Variants in CCNI observed in about 807,000 individuals in gnomAD.
CCNI encodes the protein cyclin I, also known as cyclin-I.
A neutral mutation model predicts 34.1 loss-of-function variants in CCNI; 14 were observed. That is an observed-to-expected ratio of 0.41 (90% CI 0.27 to 0.64). The LOEUF (loss-of-function observed/expected upper bound fraction) is 0.64, where lower values mean the gene tolerates loss of function less well. Among genes scored for constraint, CCNI ranks in the 30% least tolerant of loss-of-function variants. The pLI is 0.31. For synonymous variants in CCNI, 154 were observed against 158.4 expected, an observed-to-expected ratio of 0.97 and a Z score of 0.21; for missense variants, 385 against 440.5, an observed-to-expected ratio of 0.87 and a Z score of 1.13.
intron 2 of CCNI, among the ~76,000 whole-genome samples, chr4:77,059,313 A>G (rs1190410352): frequency 2.0e-5 from 3 of 151,852 alleles, no homozygotes; most frequent in African/African-American, 4.8e-5. Context: ...GTGATTAGAA[A>G]ACTTTTACTC....
At chr4:77,069,530 G>C (rs1443706686) in intron 1 of CCNI, among the ~76,000 whole-genome samples, 1 of 151,548 alleles carries the variant, frequency 6.6e-6, no homozygotes, top group Non-Finnish European at 1.5e-5. Context: ...ATGTTGGTGT[G>C]CTGCACCCAT....
intron 6 of CCNI, among the ~76,000 whole-genome samples, chr4:77,051,213 G>A (rs190753155): frequency 3.3e-5 from 5 of 152,218 alleles, no homozygotes; most frequent in African/African-American, 7.2e-5. Context: ...GAATCCAGAT[G>A]CCAAACCCAT....
At chr4:77,055,090 T>C in intron 6 of CCNI, 60 bp downstream of exon 6, 2 of 1,083,112 alleles carry the variant, frequency 1.8e-6, no homozygotes, top group South Asian at 2.7e-5. Flanking sequence ...TTGGTAACTC[T>C]ATGTATTCCA....
At chr4:77,054,892 T>C (rs1728098542) in intron 6 of CCNI, among the ~76,000 whole-genome samples, 1 of 152,166 alleles carries the variant, frequency 6.6e-6, no homozygotes, top group African/African-American at 2.4e-5. Flanking sequence ...CAATATGGTA[T>C]TGACAATCTT....
chr4:77,068,828 C>T (rs563725236), intron 1 of CCNI, among the ~76,000 whole-genome samples: 8 of 152,180 alleles, frequency 5.3e-5, no homozygotes, highest in Non-Finnish European at 1.2e-4. Context: ...CTACTATCCT[C>T]CTTCCTATGT....
intron 6 of CCNI, among the ~76,000 whole-genome samples, chr4:77,050,370 G>C (rs1349706764): frequency 2.0e-5 from 3 of 151,968 alleles, no homozygotes; most frequent in Non-Finnish European, 4.4e-5. Flanking sequence ...AGAGAAAATA[G>C]GGGAAAATAA....
At chr4:77,052,248 G>A (rs1358586285) in intron 6 of CCNI, among the ~76,000 whole-genome samples, 1 of 152,046 alleles carries the variant, frequency 6.6e-6, no homozygotes, top group Non-Finnish European at 1.5e-5. Flanking sequence ...ATTCACTCAG[G>A]ATAATGGCCT....
Position 77,075,457 on chromosome 4 carries a change from G to GGCCCC in CCNI, c.-44+14_-44+15insGGGGC. The GGCCCC allele has an allele frequency of 2.4e-6, 1 of 419,804 alleles. No homozygotes were observed. The highest frequency in any genetic ancestry group is 3.2e-6 in the Non-Finnish European group (1 of 314,184). The allele number at this position is 419,804 out of a possible 1,614,324, so 26.0% of individuals were successfully genotyped here. A position where few individuals can be genotyped will look rare whatever the true frequency, so the allele number is the denominator to read the frequency against. On this transcript the variant is annotated intron_variant, in intron 1 of 6. Coordinates refer to ENST00000237654, the MANE Select transcript of CCNI (RefSeq NM_006835.3). ...GGAGACGCGTCGAGCCCCCGCCCCC[G>GGCCCC]CCCCCGCCCCTCACCTTCTCCTCCT...
intron 6 of CCNI, among the ~76,000 whole-genome samples, chr4:77,053,098 G>GA (rs1414270807): frequency 1.8e-4 from 28 of 152,154 alleles, no homozygotes; most frequent in African/African-American, 6.8e-4. Context: ...CTATGGAAGG[G>GA]AAAACGCTAT....
intron 2 of CCNI, among the ~76,000 whole-genome samples, chr4:77,064,292 T>G (rs183213765): frequency 1.6e-4 from 25 of 151,862 alleles, no homozygotes; most frequent in Non-Finnish European, 3.5e-4. Context: ...TATAGCAATA[T>G]ACTACAATCT....
intron 2 of CCNI, among the ~76,000 whole-genome samples, chr4:77,063,209 T>C (rs1354206237): frequency 1.3e-5 from 2 of 151,896 alleles, no homozygotes; most frequent in African/African-American, 2.4e-5. Flanking sequence ...CAAAATATAG[T>C]TGGGGCAGGG....
intron 2 of CCNI, 64 bp downstream of exon 2, chr4:77,066,185 T>G: frequency 7.8e-7 from 1 of 1,287,494 alleles, no homozygotes; most frequent in Non-Finnish European, 1.1e-6. Flanking sequence ...AAGATATTAT[T>G]ATGTATGGCA....
intron 1 of CCNI, among the ~76,000 whole-genome samples, chr4:77,072,476 AAT>A (rs1231078696): frequency 6.2e-4 from 91 of 147,468 alleles, no homozygotes; most frequent in Middle Eastern, 3.5e-3. Context: ...AAAAAAAAAA[AAT>A]TTAAACTAGC....
chr4:77,069,386 A>G (rs1729287794), intron 1 of CCNI, among the ~76,000 whole-genome samples: 1 of 152,176 alleles, frequency 6.6e-6, no homozygotes. Flanking sequence ...CCGTGTCTCC[A>G]AATAAAGAAA....
intron 1 of CCNI, among the ~76,000 whole-genome samples, chr4:77,072,812 G>GA (rs1729588047): frequency 6.6e-6 from 1 of 152,080 alleles, no homozygotes; most frequent in African/African-American, 2.4e-5. Context: ...TACCAAAATT[G>GA]AAAATTTTGC....
rs4252949 is a variant in CCNI, at chr4:77,048,145, T to C, written c.*74A>G. 2.2e-3 allele frequency: 2,541 copies of C among 1,152,730 alleles called. 39 individuals carry two copies. The African/African-American group carries it at 0.032, about 14-fold the overall frequency. 71.4% of individuals were successfully genotyped at this position (1,152,730 alleles called of 1,614,324 possible). A position where few individuals can be genotyped will look rare whatever the true frequency, so the allele number is the denominator to read the frequency against. ...TTAAGGTATATTTCCTTCTACAGCC[T>C]TTCCTGATTTTGCATGTTCTCATTC... is the stretch of plus-strand genomic sequence containing the variant. On this transcript the variant is annotated 3_prime_UTR_variant, in exon 7 of 7. Transcript: ENST00000237654.
At chr4:77,069,152 C>A (rs1729271096) in intron 1 of CCNI, among the ~76,000 whole-genome samples, 1 of 152,204 alleles carries the variant, frequency 6.6e-6, no homozygotes, top group Non-Finnish European at 1.5e-5. Flanking sequence ...CGCAGCGGCT[C>A]CGGCCTGTAA....
intron 1 of CCNI, among the ~76,000 whole-genome samples, chr4:77,071,843 AAG>A (rs1374149936): frequency 6.6e-6 from 1 of 152,148 alleles, no homozygotes; most frequent in African/African-American, 2.4e-5. Flanking sequence ...AACAGAAAAA[AAG>A]AAAGAAAGAA....
chr4:77,075,597 G>A lies in CCNI; in HGVS notation c.-169C>T, dbSNP rs1729881591. 7.1e-6 allele frequency: 7 copies of A among 987,174 alleles called. No homozygotes were observed. Among genetic ancestry groups the A allele is most frequent in the South Asian group, 9.3e-5 (2 of 21,414 alleles). 61.2% of individuals were successfully genotyped at this position (987,174 alleles called of 1,614,324 possible). A position where few individuals can be genotyped will look rare whatever the true frequency, so the allele number is the denominator to read the frequency against. On this transcript the variant is annotated 5_prime_UTR_variant, in exon 1 of 7. Coordinates refer to ENST00000237654, the MANE Select transcript of CCNI (RefSeq NM_006835.3). The stretch of plus-strand genomic sequence containing the variant: ...TAGGCGCGCGGAGGCGGTGCGCGCG[G>A]GACGACTCGGCCAACTGAGGAGGGA...
Sources: gnomAD v4.1 joint callset for allele counts (sites outside exome capture counted in the v4.1 genomes callset) on GRCh38, gnomAD v4.1.1 for gene constraint, MANE v1.5 for transcripts, NCBI Gene and HGNC (gene_info 2026-07-23, HGNC 2026-07-21) for gene names.